Variants in CDH18 observed in about 807,000 individuals in gnomAD.
The protein encoded by CDH18 is cadherin-18.
A neutral mutation model predicts 67.9 loss-of-function variants in CDH18; 31 were observed. The observed-to-expected ratio is 0.46, with a 90% CI of 0.34 to 0.62. CDH18 has a LOEUF of 0.62. CDH18 is among the 20% of genes least tolerant of loss of function. CDH18 has a pLI of 0.01. For synonymous variants in CDH18, 362 were observed against 347.2 expected (o/e 1.04, Z -0.48); for missense variants, 890 against 975.5 (o/e 0.91, Z 1.17).
chr5:19,990,014 T>C (rs1799891354), upstream of CDH18, among the ~76,000 whole-genome samples: 1 of 152,330 alleles, frequency 6.6e-6, no homozygotes, highest in Non-Finnish European at 1.5e-5. Context: ...TATTCTTTAT[T>C]ATGCAGCTAC....
At chr5:19,807,214 G>A (rs1003191058) in intron 3 of CDH18, among the ~76,000 whole-genome samples, 3 of 152,140 alleles carry the variant, frequency 2.0e-5, no homozygotes, top group African/African-American at 7.2e-5. Context: ...AATAGCTAAT[G>A]TATGCTGGGC....
rs567311923 is a variant in CDH18 at position 20,397,194 on chromosome 5, G to A, written c.-579-141689C>T. On this transcript the variant is annotated intron_variant, in intron 1 of 14. Coordinates refer to the CDH18 transcript ENST00000507958. ...TGCTCAAGGTGGAGTGCAGTGGTAC[G>A]ATCTTGGCTCACGGCAACATCCGCC... Among the ~76,000 whole-genome samples, 28 of 152,146 alleles carry A rather than the reference G, an allele frequency of 1.8e-4. No individual in the cohort carries two copies. The South Asian group carries it at 5.6e-3, about 30-fold the overall frequency.
At chr5:20,015,398 C>A (rs1021755816) in intron 2 of CDH18, among the ~76,000 whole-genome samples, 2 of 152,214 alleles carry the variant, frequency 1.3e-5, no homozygotes, top group African/African-American at 4.8e-5. Flanking sequence ...GGATCATCAG[C>A]ATACAATAGT....
intron 5 of CDH18, among the ~76,000 whole-genome samples, chr5:19,701,074 A>T (rs1763188584): frequency 6.6e-6 from 1 of 152,170 alleles, no homozygotes; most frequent in Admixed American, 6.5e-5. Context: ...AAATTAACTA[A>T]GGATACAGAT....
intron 1 of CDH18, among the ~76,000 whole-genome samples, chr5:20,265,368 T>C (rs949881904): frequency 6.6e-6 from 1 of 152,144 alleles, no homozygotes; most frequent in Non-Finnish European, 1.5e-5. Context: ...AGTGTTTTGT[T>C]ATTTGTGAAA....
chr5:20,151,928 G>C (rs1336196023), intron 2 of CDH18, among the ~76,000 whole-genome samples: 1 of 151,276 alleles, frequency 6.6e-6, no homozygotes, highest in East Asian at 1.9e-4. Flanking sequence ...TTCATTAATA[G>C]CCATGGAATC....
intron 1 of CDH18, among the ~76,000 whole-genome samples, chr5:20,545,752 G>A (rs572234820): frequency 1.8e-4 from 27 of 152,268 alleles, no homozygotes; most frequent in African/African-American, 6.5e-4. Flanking sequence ...GATATGCCCT[G>A]GAGACATTCC....
intron 2 of CDH18, among the ~76,000 whole-genome samples, chr5:20,243,475 G>T (rs1007250572): frequency 2.0e-5 from 3 of 152,010 alleles, no homozygotes; most frequent in Admixed American, 1.3e-4. Context: ...AAATTAGCAT[G>T]AATCACTAGA....
chr5:19,721,286 C>A, intron 5 of CDH18, 61 bp downstream of exon 5: 1 of 1,452,498 alleles, frequency 6.9e-7, no homozygotes, highest in South Asian at 1.5e-5. Flanking sequence ...AAATAAAAAC[C>A]ATTGCTTTGC....
At chr5:20,224,351 T>C (rs1295231084) in intron 2 of CDH18, among the ~76,000 whole-genome samples, 1 of 152,140 alleles carries the variant, frequency 6.6e-6, no homozygotes, top group Non-Finnish European at 1.5e-5. Flanking sequence ...GTTCAAGTTA[T>C]TGTAAGATAT....
intron 2 of CDH18, among the ~76,000 whole-genome samples, chr5:20,005,073 T>G (rs1010121227): frequency 2.6e-5 from 4 of 152,022 alleles, no homozygotes; most frequent in Non-Finnish European, 4.4e-5. Flanking sequence ...ACCACAAAAT[T>G]CTAAAAGGGA....
rs370516596 is a variant in CDH18, at chr5:20,037,503, C to T, written c.-517-45489G>A. Among the ~76,000 whole-genome samples, 197 of 152,216 alleles carry T rather than the reference C, an allele frequency of 1.3e-3. 1 individual carries two copies. Among genetic ancestry groups the T allele is most frequent in the African/African-American group, 4.6e-3 (192 of 41,538 alleles). ...GCAAAAGAACAGAAATCATAACAAA[C>T]AGTCCCTCAGACCACAGTGCAATCA... On this transcript the variant is annotated intron_variant, in intron 2 of 14. Coordinates refer to the CDH18 transcript ENST00000507958.
intron 2 of CDH18, among the ~76,000 whole-genome samples, chr5:20,197,412 T>C (rs1223002002): frequency 6.6e-6 from 1 of 152,250 alleles, no homozygotes. Context: ...GACAAATAAT[T>C]ATCTTTCTAA....
At chr5:20,111,271 G>T (rs1747433227) in intron 2 of CDH18, among the ~76,000 whole-genome samples, 1 of 152,110 alleles carries the variant, frequency 6.6e-6, no homozygotes, top group Admixed American at 6.5e-5. Flanking sequence ...AGGTTCAGAA[G>T]AACTGCTAGC....
rs1797162213 is a variant in CDH18 at position 19,963,862 on chromosome 5, C to G, written c.-257+17198G>C. ...TGATGGAGGGAGAAACAAACATCTTCTTCACAAGGTGGCCAGATCAAAAGA... is the reference window on the plus strand; with the variant it reads ...TGATGGAGGGAGAAACAAACATCTTGTTCACAAGGTGGCCAGATCAAAAGA... On this transcript the variant is annotated intron_variant, in intron 2 of 12. Coordinates refer to ENST00000382275, the MANE Select transcript of CDH18 (RefSeq NM_004934.5). Among the ~76,000 whole-genome samples, 3 of 151,992 alleles carry G rather than the reference C, an allele frequency of 2.0e-5. No homozygotes were observed. The South Asian group carries it at 6.2e-4, about 32-fold the overall frequency.
intron 2 of CDH18, among the ~76,000 whole-genome samples, chr5:20,016,370 G>C (rs1057310902): frequency 6.6e-6 from 1 of 152,026 alleles, no homozygotes; most frequent in African/African-American, 2.4e-5. Context: ...GGTACTATAC[G>C]TAGTACCTGA....
intron 1 of CDH18, among the ~76,000 whole-genome samples, chr5:20,314,079 A>G (rs1737248813): frequency 6.6e-6 from 1 of 152,206 alleles, no homozygotes; most frequent in Admixed American, 6.5e-5. Flanking sequence ...CATACAATTT[A>G]TGTACAATTT....
intron 5 of CDH18, among the ~76,000 whole-genome samples, chr5:19,616,376 T>C (rs1749841799): frequency 6.6e-6 from 1 of 152,012 alleles, no homozygotes; most frequent in Non-Finnish European, 1.5e-5. Context: ...AGCAGAATGA[T>C]CGTTTTAATT....
At chr5:19,917,061 T>A (rs543234726) in intron 2 of CDH18, among the ~76,000 whole-genome samples, 1 of 152,318 alleles carries the variant, frequency 6.6e-6, no homozygotes, top group South Asian at 2.1e-4. Context: ...ATGTTTGAAC[T>A]CAACATACAT....
Sources: gnomAD v4.1 joint callset for allele counts (sites outside exome capture counted in the v4.1 genomes callset) on GRCh38, gnomAD v4.1.1 for gene constraint, MANE v1.5 for transcripts, NCBI Gene and HGNC (gene_info 2026-07-23, HGNC 2026-07-21) for gene names.